The following SLC46A1 variants were observed in gnomAD, a reference collection of about 807,000 sequenced individuals.
SLC46A1 encodes solute carrier family 46 member 1.
SLC46A1 carries 17 observed loss-of-function variants against 32.1 expected under a neutral mutation model. The ratio of observed to expected loss-of-function variants is 0.53; its 90% CI spans 0.36 to 0.79. The LOEUF is 0.79. Among genes scored for constraint, SLC46A1 ranks in the 30% least tolerant of loss-of-function variants. The probability of loss-of-function intolerance (pLI) is 0.00; values close to 1 mark genes in which losing one functional copy is unlikely to be tolerated. For synonymous variants in SLC46A1, 240 were observed against 262.7 expected, an observed-to-expected ratio of 0.91 and a Z score of 0.84; for missense variants, 517 against 588.2, an observed-to-expected ratio of 0.88 and a Z score of 1.25.
At chr17:28,402,062 G>A (rs1555589724) in intron 3 of SLC46A1, 176 bp downstream of exon 3, 2 of 556,744 alleles carry the variant, frequency 3.6e-6, no homozygotes, top group Admixed American at 3.1e-5. Flanking sequence ...ATCCAAGGTG[G>A]CATGATCCTC....
rs782790090 is a variant in SLC46A1, at chr17:28,404,887, G to A, written c.810C>T (p.Tyr270=). ...PEKSRKHLAL[Y]SLAIFVVITV... ...TGATCACCACGAAGATGGCCAGTGA[G>A]TAGAGGGCTAAATGTTTCCTGGACT... The change falls in exon 2 of 5, where the codon TAC becomes TAT. Residue 270 remains tyrosine, a synonymous_variant. Transcript: ENST00000612814. 65 of 1,613,944 alleles carry A rather than the reference G, an allele frequency of 4.0e-5. No individual in the cohort carries two copies. Among genetic ancestry groups the A allele is most frequent in the Non-Finnish European group, 5.3e-5 (62 of 1,179,910 alleles).
intron 3 of SLC46A1, chr17:28,401,938 C>T (rs781787647): frequency 4.3e-6 from 1 of 230,484 alleles, no homozygotes; most frequent in African/African-American, 2.3e-5. Flanking sequence ...TCACCACACC[C>T]ATCTTACAGA....
In SLC46A1 at chr17:28,400,615, C is replaced by T. The variant is rs2142454446; in HGVS notation, c.1317G>A (p.Leu439=). ...GGTTCAGGGCCCTGCATTACCCAAT[C>T]AGAACAGCCGGGATGAGCAGGAGGC... The part of the protein sequence containing the change: ...GAGLLLIPAV[L]IGMLEKADPH... Residue 439 remains leucine, a synonymous_variant, in exon 4 of 5, where the codon CTG becomes CTA. Coordinates refer to ENST00000612814, the MANE Select transcript of SLC46A1 (RefSeq NM_080669.6). 1 of 1,613,678 alleles carries T rather than the reference C, an allele frequency of 6.2e-7. No homozygotes were observed. The highest frequency in any genetic ancestry group is 8.5e-7 in the Non-Finnish European group (1 of 1,179,772).
Position 28,399,350 on chromosome 17 carries a change from C to T in SLC46A1, c.*306G>A. On this transcript the variant is annotated 3_prime_UTR_variant, in exon 5 of 5. Transcript: ENST00000612814. Reference sequence around the variant, plus strand: ...AGTGTCACCTCTCTCAGGACCTCTCCTCTGGCCTGTGGGGTTATAAGTGAT... The same window carrying T: ...AGTGTCACCTCTCTCAGGACCTCTCTTCTGGCCTGTGGGGTTATAAGTGAT... 1 of 373,440 alleles carries T rather than the reference C, an allele frequency of 2.7e-6. No individual in the cohort carries two copies. The highest frequency in any genetic ancestry group is 5.0e-6 in the Non-Finnish European group (1 of 199,342). 23.1% of individuals were successfully genotyped at this position (373,440 alleles called of 1,614,324 possible).
At chr17:28,399,994 A>C (rs1555589158) in intron 4 of SLC46A1, 1 of 423,450 alleles carries the variant, frequency 2.4e-6, no homozygotes, top group Non-Finnish European at 4.4e-6. Flanking sequence ...CCTGGGCTCA[A>C]GTGATCCTCC....
At chr17:28,400,848 C>T in intron 3 of SLC46A1, 82 bp from the exon 4 acceptor site, 2 of 1,298,866 alleles carry the variant, frequency 1.5e-6, no homozygotes, top group Non-Finnish European at 2.2e-6. Flanking sequence ...AGCTGTGTGA[C>T]CGGGAGTAGT....
Position 28,396,078 on chromosome 17 carries a change from A to G in SLC46A1, c.*3578T>C. The G allele has an allele frequency of 1.2e-6, 2 of 1,613,522 alleles. No homozygotes were observed. The highest frequency in any genetic ancestry group is 1.7e-6 in the Non-Finnish European group (2 of 1,179,594). On this transcript the variant is annotated 3_prime_UTR_variant, in exon 5 of 5. Coordinates refer to ENST00000612814, the MANE Select transcript of SLC46A1 (RefSeq NM_080669.6). ...GGGGTAGGGTACAAATCACCATGACAGGCAGAGTGTGGGCAAACAGCTGAC... is the reference window on the plus strand; with the variant it reads ...GGGGTAGGGTACAAATCACCATGACGGGCAGAGTGTGGGCAAACAGCTGAC...
At chr17:28,404,536 T>C in intron 2 of SLC46A1, 80 bp downstream of exon 2, 1 of 1,541,562 alleles carries the variant, frequency 6.5e-7, no homozygotes, top group Non-Finnish European at 8.9e-7. Context: ...ATGAACCACA[T>C]CTGGGGGCAG....
In SLC46A1 at chr17:28,395,691, G is replaced by C. The variant is rs1253020114; in HGVS notation, c.*3965C>G. ...ACTCATCACTCAAGAGATTCCAAGG[G>C]TTTTAGCAGCTCTGTGCCAGGAACT... On this transcript the variant is annotated 3_prime_UTR_variant, in exon 5 of 5. Transcript: ENST00000612814. 1.8e-6 allele frequency: 1 copy of C among 552,332 alleles called. No homozygotes were observed. Among genetic ancestry groups the C allele is most frequent in the Admixed American group, 3.1e-5 (1 of 32,344 alleles). The allele number at this position is 552,332 out of a possible 1,614,324, so 34.2% of individuals were successfully genotyped here.
In SLC46A1 at chr17:28,396,105, A is replaced by AGCAGCTCCCTCTGCCCAGCTGTCTG; in HGVS notation, c.*3526_*3550dup. 1.2e-6 allele frequency: 2 copies of AGCAGCTCCCTCTGCCCAGCTGTCTG among 1,613,740 alleles called. No homozygotes were observed. Among genetic ancestry groups the AGCAGCTCCCTCTGCCCAGCTGTCTG allele is most frequent in the South Asian group, 2.2e-5 (2 of 91,076 alleles). ...GCAGAGTGTGGGCAAACAGCTGACT[A>AGCAGCTCCCTCTGCCCAGCTGTCTG]GCAGCTCCCTCTGCCCAGCTGTCTG... On this transcript the variant is annotated 3_prime_UTR_variant, in exon 5 of 5. Coordinates refer to ENST00000612814, the MANE Select transcript of SLC46A1 (RefSeq NM_080669.6).
rs1331743051 is a variant in SLC46A1, at chr17:28,399,492, G to A, written c.*164C>T. The A allele has an allele frequency of 4.5e-6, 3 of 666,296 alleles. No individual in the cohort carries two copies. Among genetic ancestry groups the A allele is most frequent in the Non-Finnish European group, 7.9e-6 (3 of 381,352 alleles). The allele number at this position is 666,296 out of a possible 1,614,324, so 41.3% of individuals were successfully genotyped here. On this transcript the variant is annotated 3_prime_UTR_variant, in exon 5 of 5. Coordinates refer to ENST00000612814, the MANE Select transcript of SLC46A1 (RefSeq NM_080669.6). ...CTAGACAGAGGCTGGGTCAGCTGTG[G>A]ATGGGGTGGTGCCTTGGTCTCTCTT... is the stretch of plus-strand genomic sequence containing the variant.
rs782060590 is a variant in SLC46A1, at chr17:28,399,579, G to A, written c.*77C>T. 2 of 1,480,394 alleles carry A rather than the reference G, an allele frequency of 1.4e-6. No homozygotes were observed. Among genetic ancestry groups the A allele is most frequent in the East Asian group, 4.5e-5 (2 of 44,040 alleles). The allele number at this position is 1,480,394 out of a possible 1,614,324, so 91.7% of individuals were successfully genotyped here. The stretch of plus-strand genomic sequence containing the variant: ...AGAGTTGCTTGTCCTGCTGTGGGCT[G>A]GGCTTCCAGCTGCAGACCTCCAGTT... On this transcript the variant is annotated 3_prime_UTR_variant, in exon 5 of 5. Coordinates refer to ENST00000612814, the MANE Select transcript of SLC46A1 (RefSeq NM_080669.6).
chr17:28,399,819 T>C, intron 4 of SLC46A1, 106 bp from the exon 5 acceptor site: 1 of 1,058,390 alleles, frequency 9.4e-7, no homozygotes, highest in East Asian at 2.4e-5. Flanking sequence ...CAGGTAGCTC[T>C]CCTGAACCTC....
In SLC46A1 at chr17:28,405,047, G is replaced by A. The variant is rs1555590677; in HGVS notation, c.650C>T (p.Ala217Val). 3 of 1,614,008 alleles carry A rather than the reference G, an allele frequency of 1.9e-6. No individual in the cohort carries two copies. The East Asian group carries it at 6.7e-5, about 36-fold the overall frequency. Reference protein sequence around the residue: ...GYANPFWLALALLIAMTLYAA... With the variant: ...GYANPFWLALVLLIAMTLYAA... ...ATAGAGAGTCATGGCTATCAGCAAG[G>A]CCAAGGCCAGCCAGAAGGGGTTGGC... Residue 217 changes from alanine to valine, a missense_variant, in exon 2 of 5, where the codon GCC becomes GTC. By Grantham distance (64) the Ala-to-Val change is moderately conservative. Coordinates refer to ENST00000612814, the MANE Select transcript of SLC46A1 (RefSeq NM_080669.6).
At chr17:28,400,285 G>C (rs2068180044) in intron 4 of SLC46A1, 1 of 320,006 alleles carries the variant, frequency 3.1e-6, no homozygotes, top group Non-Finnish European at 5.9e-6. Flanking sequence ...AAGCTTCCTG[G>C]CCTTCCCTTT....
Position 28,404,904 on chromosome 17 carries a change from T to C in SLC46A1, c.793A>G (p.Lys265Glu). Residue 265 changes from lysine to glutamate, a missense_variant, in exon 2 of 5, where the codon AAA becomes GAA. Physicochemically the swap from Lys to Glu is moderately conservative, Grantham distance 56. Coordinates refer to ENST00000612814, the MANE Select transcript of SLC46A1 (RefSeq NM_080669.6). ...YVAPAPEKSR[K>E]HLALYSLAIF... is the part of the protein sequence containing the mutation. The stretch of plus-strand genomic sequence containing the variant: ...GCCAGTGAGTAGAGGGCTAAATGTT[T>C]CCTGGACTTCTCTGGGGCGGGAGCC... The C allele has an allele frequency of 2.5e-6, 4 of 1,614,024 alleles. No homozygotes were observed. Among genetic ancestry groups the C allele is most frequent in the Non-Finnish European group, 2.5e-6 (3 of 1,179,896 alleles).
Position 28,405,235 on chromosome 17 carries a change from G to C in SLC46A1, c.462C>G (p.Leu154=), listed in dbSNP as rs782480845. ...FVLGRILCAL[L]GDFGGLLAAS... ...CAGCCAGAAGGCCACCGAAGTCGCC[G>C]AGGAGGGCACAAAGGATGCGACCCA... The change falls in exon 2 of 5, where the codon CTC becomes CTG. Residue 154 remains leucine (L), a synonymous_variant. Coordinates refer to ENST00000612814, the MANE Select transcript of SLC46A1 (RefSeq NM_080669.6). The C allele has an allele frequency of 1.9e-6, 3 of 1,591,314 alleles. No individual in the cohort carries two copies. The highest frequency in any genetic ancestry group is 2.3e-5 in the South Asian group (2 of 88,322).
At position 28,406,083 on chromosome 17, in the gene SLC46A1, G is replaced by A. The variant is rs782469980; in HGVS notation, c.32C>T (p.Pro11Leu). Reference protein sequence around the residue: MEGSASPPEKPRARPAAAVLC... With the variant: MEGSASPPEKLRARPAAAVLC... ...CACGGCAGCCGCAGGGCGGGCGCGGGGCTTTTCCGGGGGGCTCGCGCTCCC... is the reference window on the plus strand; with the variant it reads ...CACGGCAGCCGCAGGGCGGGCGCGGAGCTTTTCCGGGGGGCTCGCGCTCCC... The change falls in exon 1 of 5, where the codon CCC (proline) becomes CTC (leucine). Residue 11 changes from proline (P) to leucine (L), a missense_variant. By Grantham distance (98) the Pro-to-Leu change is moderately conservative (BLOSUM62 -3). Coordinates refer to ENST00000612814, the MANE Select transcript of SLC46A1 (RefSeq NM_080669.6). The surrounding 1 kb of genome is among the most constrained non-coding windows in gnomAD (Gnocchi z 4.5). 1.9e-6 allele frequency: 3 copies of A among 1,577,246 alleles called. No individual in the cohort carries two copies. The highest frequency in any genetic ancestry group is 2.6e-6 in the Non-Finnish European group (3 of 1,164,208).
At chr17:28,405,597 C>T (rs1175341922) in intron 1 of SLC46A1, 129 bp from the exon 2 acceptor site, 1 of 1,390,166 alleles carries the variant, frequency 7.2e-7, no homozygotes, top group African/African-American at 1.4e-5. Context: ...AATCTTAGCA[C>T]AGCTTTCAAA....
Sources: allele counts gnomAD v4.1 joint callset, GRCh38; gene constraint gnomAD v4.1.1; non-coding constraint Gnocchi (gnomAD v3.1); transcripts MANE v1.5; gene names NCBI Gene and HGNC (gene_info 2026-07-23, HGNC 2026-07-21).